Variants in DENND1A observed in about 807,000 individuals in gnomAD.
The protein encoded by DENND1A is DENN domain-containing protein 1A.
DENND1A carries 51 observed loss-of-function variants against 113.7 expected under a neutral mutation model. The observed-to-expected ratio is 0.45, with a 90% CI of 0.36 to 0.57. The LOEUF (loss-of-function observed/expected upper bound fraction) is 0.57. Ranked by LOEUF, DENND1A falls within the 20% of genes least tolerant of loss-of-function variation. The pLI, the probability that DENND1A is intolerant of heterozygous loss-of-function variation, is 0.00. For synonymous variants in DENND1A, 565 were observed against 570.8 expected, an observed-to-expected ratio of 0.99 and a Z score of 0.14; for missense variants, 1,258 against 1,395.9, an observed-to-expected ratio of 0.90 and a Z score of 1.57.
chr9:123,742,790 G>A (rs2069134857), intron 5 of DENND1A, among the ~76,000 whole-genome samples: 1 of 152,142 alleles, frequency 6.6e-6, no homozygotes. Flanking sequence ...AAAAATTTCT[G>A]AGAAAATTAA....
intron 13 of DENND1A, chr9:123,493,262 C>T (rs2134019794): frequency 6.6e-6 from 1 of 152,358 alleles, no homozygotes; most frequent in Admixed American, 6.5e-5. Flanking sequence ...TTGAGGGAGG[C>T]AGGACAGACC....
intron 19 of DENND1A, among the ~76,000 whole-genome samples, chr9:123,420,557 T>C (rs542398410): frequency 6.6e-6 from 1 of 152,266 alleles, no homozygotes; most frequent in East Asian, 1.9e-4. Context: ...TCAACGACTC[T>C]CTCCGGCTGG....
At position 123,403,385 on chromosome 9, in the gene DENND1A, A is replaced by G. The variant is rs1278491145; in HGVS notation, c.1631+17T>C. ...CACAGGGTTCTTACAGACAGAGGGGAGAGGCACAATACTCACTGCTCAGGG... is the reference window on the plus strand; with the variant it reads ...CACAGGGTTCTTACAGACAGAGGGGGGAGGCACAATACTCACTGCTCAGGG... On this transcript the variant is annotated intron_variant, in intron 21 of 23. Transcript: ENST00000394215. The G allele has an allele frequency of 3.7e-6, 6 of 1,613,296 alleles. No individual in the cohort carries two copies. Among genetic ancestry groups the G allele is most frequent in the Non-Finnish European group, 5.1e-6 (6 of 1,179,504 alleles).
intron 2 of DENND1A, among the ~76,000 whole-genome samples, chr9:123,855,992 G>A (rs896246003): frequency 1.1e-4 from 17 of 152,190 alleles, no homozygotes; most frequent in Middle Eastern, 3.4e-3. Context: ...AGCCGAGATC[G>A]CGCCATTGCA....
At chr9:123,677,395 T>C (rs1287772557) in intron 5 of DENND1A, among the ~76,000 whole-genome samples, 4 of 152,176 alleles carry the variant, frequency 2.6e-5, no homozygotes, top group Middle Eastern at 3.2e-3. Flanking sequence ...GCTGCTGACC[T>C]CAGTCCTGTG....
At chr9:123,562,870 C>T (rs1214186212) in intron 12 of DENND1A, among the ~76,000 whole-genome samples, 3 of 152,134 alleles carry the variant, frequency 2.0e-5, no homozygotes, top group African/African-American at 7.2e-5. Context: ...ACCTCCTTTC[C>T]TGATGGACTG....
intron 1 of DENND1A, among the ~76,000 whole-genome samples, chr9:123,900,126 A>G (rs1344545705): frequency 1.3e-5 from 2 of 152,236 alleles, no homozygotes; most frequent in Non-Finnish European, 2.9e-5. Context: ...TATACTCCTA[A>G]AGCGGATTGC....
intron 2 of DENND1A, among the ~76,000 whole-genome samples, chr9:123,822,348 A>C (rs1838617536): frequency 6.6e-6 from 1 of 152,234 alleles, no homozygotes; most frequent in Non-Finnish European, 1.5e-5. Context: ...TATTGAAGAT[A>C]TCTTTTCAAC....
chr9:123,567,853 T>C (rs947930580), intron 12 of DENND1A, among the ~76,000 whole-genome samples: 7 of 152,140 alleles, frequency 4.6e-5, no homozygotes, highest in Admixed American at 1.3e-4. Flanking sequence ...AACTAAACCA[T>C]AGAGGTGTAG....
In DENND1A at chr9:123,610,563, G is replaced by C. The variant is rs767056423; in HGVS notation, c.720-1082C>G. ...GCTTTCCTTTGGGTTAGGGGAAGGA[G>C]GTCAAGGGATAGCGAGGAAGGGTGT... On this transcript the variant is annotated intron_variant, in intron 10 of 23. Coordinates refer to ENST00000394215, the MANE Select transcript of DENND1A (RefSeq NM_001352964.2). 6.4e-4 allele frequency among the ~76,000 whole-genome samples: 98 copies of C among 152,302 alleles called. 1 individual carries two copies. The highest frequency in any genetic ancestry group is 3.4e-3 in the Middle Eastern group (1 of 294).
chr9:123,693,632 T>A (rs2065310480), intron 5 of DENND1A, among the ~76,000 whole-genome samples: 1 of 152,054 alleles, frequency 6.6e-6, no homozygotes, highest in East Asian at 1.9e-4. Context: ...TTTCCCTGAC[T>A]GCTGACCAAT....
chr9:123,612,974 G>A (rs1479051906), intron 10 of DENND1A, among the ~76,000 whole-genome samples: 1 of 152,138 alleles, frequency 6.6e-6, no homozygotes, highest in African/African-American at 2.4e-5. Flanking sequence ...CCACAGAATG[G>A]TTTCTTGTTC....
chr9:123,799,349 C>T (rs1012250679), intron 2 of DENND1A, among the ~76,000 whole-genome samples: 1 of 152,132 alleles, frequency 6.6e-6, no homozygotes, highest in African/African-American at 2.4e-5. Context: ...AGTAGTCACT[C>T]GTGGAACAAA....
intron 2 of DENND1A, among the ~76,000 whole-genome samples, chr9:123,875,582 T>TGCAA (rs1449354081): frequency 1.3e-5 from 2 of 152,264 alleles, no homozygotes; most frequent in Non-Finnish European, 2.9e-5. Flanking sequence ...CATCCTGTAC[T>TGCAA]GCAAGCTCTA....
chr9:123,412,901 G>A (rs549819574), intron 19 of DENND1A, among the ~76,000 whole-genome samples: 24 of 152,334 alleles, frequency 1.6e-4, no homozygotes, highest in African/African-American at 5.3e-4. Context: ...TGTCCCATGT[G>A]TCTGGTCCAC....
intron 5 of DENND1A, among the ~76,000 whole-genome samples, chr9:123,729,273 AAAAG>A (rs1249105057): frequency 6.6e-6 from 1 of 152,340 alleles, no homozygotes; most frequent in African/African-American, 2.4e-5. Flanking sequence ...GCAATCAGGC[AAAAG>A]AAAGAAATAA....
intron 4 of DENND1A, among the ~76,000 whole-genome samples, chr9:123,767,771 C>A (rs1829060743): frequency 1.3e-5 from 2 of 152,152 alleles, no homozygotes; most frequent in African/African-American, 2.4e-5. Flanking sequence ...AAAATATTTT[C>A]TCTTGCTCAC....
intron 10 of DENND1A, among the ~76,000 whole-genome samples, chr9:123,617,979 T>C (rs2060741843): frequency 6.6e-6 from 1 of 152,226 alleles, no homozygotes; most frequent in Non-Finnish European, 1.5e-5. Context: ...GATTTTCTCT[T>C]GCTGTTTTTC....
intron 5 of DENND1A, among the ~76,000 whole-genome samples, chr9:123,731,801 A>C (rs1156634227): frequency 6.6e-6 from 1 of 152,240 alleles, no homozygotes; most frequent in Non-Finnish European, 1.5e-5. Flanking sequence ...ACAGGCTGGG[A>C]CAATATGTGA....
Sources: gnomAD v4.1 joint callset for allele counts (sites outside exome capture counted in the v4.1 genomes callset) on GRCh38, gnomAD v4.1.1 for gene constraint, MANE v1.5 for transcripts, NCBI Gene and HGNC (gene_info 2026-07-23, HGNC 2026-07-21) for gene names.